Variants in CDH12 observed in about 807,000 individuals in gnomAD.
CDH12 encodes cadherin 12.
Under a neutral mutation model 74.1 loss-of-function variants are expected in CDH12, and 41 were observed. The observed-to-expected ratio is 0.55, with a 90% CI of 0.43 to 0.72. CDH12 has a LOEUF of 0.72. Among genes scored for constraint, CDH12 ranks in the 30% least tolerant of loss-of-function variants. The pLI, the probability that CDH12 is intolerant of heterozygous loss-of-function variation, is 0.00. For synonymous variants in CDH12, 399 were observed against 355.0 expected (o/e 1.12, Z -1.39); for missense variants, 945 against 977.2 (o/e 0.97, Z 0.44).
chr5:22,125,219 C>T lies in CDH12; in HGVS notation c.-186-46357G>A, dbSNP rs184942468. ...CAACCTGTCATCTAGGTTTTAAGAT[C>T]CACATGCATTAGGTATTTGTCCTAA... is the stretch of plus-strand genomic sequence containing the variant. On this transcript the variant is annotated intron_variant, in intron 4 of 14. Coordinates refer to ENST00000382254, the MANE Select transcript of CDH12 (RefSeq NM_004061.5). Among the ~76,000 whole-genome samples the T allele has an allele frequency of 1.9e-3, 286 of 152,040 alleles. 1 individual carries two copies. Among genetic ancestry groups the T allele is most frequent in the African/African-American group, 6.7e-3 (276 of 41,472 alleles).
At chr5:22,015,470 A>G (rs964474140) in intron 5 of CDH12, among the ~76,000 whole-genome samples, 3 of 152,260 alleles carry the variant, frequency 2.0e-5, no homozygotes, top group Admixed American at 2.0e-4. Context: ...CTGAAACTGA[A>G]CACTGATTCT....
In CDH12 at chr5:22,042,120, G is replaced by A. The variant is rs114373118; in HGVS notation, c.231+36326C>T. 3.8e-3 allele frequency among the ~76,000 whole-genome samples: 574 copies of A among 151,628 alleles called. 7 individuals are homozygous for A. Among genetic ancestry groups the A allele is most frequent in the Middle Eastern group, 0.014 (4 of 294 alleles). ...TTCAAGAGACAAATGAAAATGGAAC[G>A]ACAATATACCAAAACTTACAGGAAA... On this transcript the variant is annotated intron_variant, in intron 5 of 14. Transcript: ENST00000382254.
chr5:22,257,325 A>T, intron 3 of CDH12, among the ~76,000 whole-genome samples: 1 of 152,270 alleles, frequency 6.6e-6, no homozygotes, highest in Non-Finnish European at 1.5e-5. Context: ...AACTTAAAAT[A>T]AAAGTTAAAA....
At chr5:22,572,793 CT>C (rs1365689944) in intron 1 of CDH12, among the ~76,000 whole-genome samples, 1 of 152,096 alleles carries the variant, frequency 6.6e-6, no homozygotes, top group Admixed American at 6.5e-5. Flanking sequence ...GTTCTATATT[CT>C]ATTGAGTGTT....
In CDH12 at chr5:22,180,493, TTTTTG is replaced by T. The variant is rs993208149; in HGVS notation, c.-187+32000_-187+32004del. Among the ~76,000 whole-genome samples the T allele has an allele frequency of 1.1e-3, 77 of 71,150 alleles. 1 individual carries two copies. The highest frequency in any genetic ancestry group is 1.8e-3 in the Non-Finnish European group (53 of 28,724). 46.7% of individuals were successfully genotyped at this position (71,150 alleles called of 152,430 possible). A position where few individuals can be genotyped will look rare whatever the true frequency, so the allele number is the denominator to read the frequency against. ...TACAAAAATCACAGTTTTTGATTTTTTTTTGTTTATTTTTTTATTTTTTATTTTTT... is the reference window on the plus strand; with the variant it reads ...TACAAAAATCACAGTTTTTGATTTTTTTTATTTTTTTATTTTTTATTTTTT... On this transcript the variant is annotated intron_variant, in intron 4 of 14. Coordinates refer to ENST00000382254, the MANE Select transcript of CDH12 (RefSeq NM_004061.5).
chr5:22,279,354 T>C (rs552394121), intron 3 of CDH12, among the ~76,000 whole-genome samples: 71 of 152,198 alleles, frequency 4.7e-4, no homozygotes, highest in Non-Finnish European at 7.8e-4. Flanking sequence ...CATAAAAATG[T>C]AGTTAGAAAA....
At chr5:21,968,983 T>C (rs1580044390) in intron 6 of CDH12, among the ~76,000 whole-genome samples, 3 of 143,774 alleles carry the variant, frequency 2.1e-5, no homozygotes, top group African/African-American at 5.2e-5. Flanking sequence ...TGATGGGGGG[T>C]GGAGGGTAGG....
At chr5:22,389,806 C>T (rs1326299480) in intron 3 of CDH12, among the ~76,000 whole-genome samples, 8 of 148,666 alleles carry the variant, frequency 5.4e-5, no homozygotes, top group Admixed American at 4.1e-4. Flanking sequence ...CACCACCACG[C>T]CCGGCTAATT....
At chr5:22,074,859 G>T (rs946322535) in intron 5 of CDH12, among the ~76,000 whole-genome samples, 1 of 152,082 alleles carries the variant, frequency 6.6e-6, no homozygotes, top group Non-Finnish European at 1.5e-5. Context: ...TACACTGTTG[G>T]TGGGACTGTA....
intron 13 of CDH12, among the ~76,000 whole-genome samples, chr5:21,758,656 T>A (rs1744538669): frequency 6.6e-6 from 1 of 152,180 alleles, no homozygotes; most frequent in South Asian, 2.1e-4. Context: ...TAATCCAGTG[T>A]CCTTTATATT....
chr5:22,715,581 G>A (rs1423770955), intron 1 of CDH12, among the ~76,000 whole-genome samples: 1 of 151,926 alleles, frequency 6.6e-6, no homozygotes, highest in African/African-American at 2.4e-5. Flanking sequence ...AAGGCGGGTG[G>A]ATCACAAGGT....
chr5:22,358,653 T>A (rs919400597), intron 3 of CDH12, among the ~76,000 whole-genome samples: 4 of 152,188 alleles, frequency 2.6e-5, no homozygotes, highest in African/African-American at 9.6e-5. Context: ...AGAACGTTAT[T>A]GAATTCATCA....
At chr5:22,388,875 C>T (rs566819423) in intron 3 of CDH12, among the ~76,000 whole-genome samples, 1 of 152,064 alleles carries the variant, frequency 6.6e-6, no homozygotes, top group East Asian at 1.9e-4. Flanking sequence ...TATAGCTGAA[C>T]GTCTTATATT....
intron 11 of CDH12, among the ~76,000 whole-genome samples, chr5:21,773,218 G>A (rs1745413441): frequency 6.6e-6 from 1 of 152,114 alleles, no homozygotes; most frequent in African/African-American, 2.4e-5. Flanking sequence ...AAGTTGTGAT[G>A]GTTAATTTGA....
intron 2 of CDH12, among the ~76,000 whole-genome samples, chr5:22,434,637 G>A (rs1397017747): frequency 1.3e-5 from 2 of 152,022 alleles, no homozygotes; most frequent in Non-Finnish European, 2.9e-5. Context: ...TATTAACCAT[G>A]CACAATCTTG....
intron 1 of CDH12, among the ~76,000 whole-genome samples, chr5:22,801,636 C>CATATATATATATATAT (rs568139109): frequency 2.0e-5 from 1 of 50,882 alleles, no homozygotes; most frequent in Non-Finnish European, 3.8e-5. Flanking sequence ...CTCTGCTTAT[C>CATATATATATATATAT]ATATATATAT....
At chr5:22,078,421 G>A (rs771270306) in intron 5 of CDH12, 25 bp downstream of exon 5, 2 of 1,602,738 alleles carry the variant, frequency 1.2e-6, no homozygotes, top group East Asian at 4.5e-5. Context: ...CTATCAAGCG[G>A]TTGTCAAAAG....
intron 1 of CDH12, among the ~76,000 whole-genome samples, chr5:22,569,136 A>C (rs1739425998): frequency 6.6e-6 from 1 of 152,234 alleles, no homozygotes; most frequent in Non-Finnish European, 1.5e-5. Flanking sequence ...AATTGTAGTC[A>C]ATCCTCTCTG....
At chr5:21,941,950 T>G (rs1755349557) in intron 6 of CDH12, among the ~76,000 whole-genome samples, 1 of 152,130 alleles carries the variant, frequency 6.6e-6, no homozygotes, top group African/African-American at 2.4e-5. Flanking sequence ...TTCTGGAACC[T>G]GTGAAAATGT....
Sources: gnomAD v4.1 joint callset for allele counts (sites outside exome capture counted in the v4.1 genomes callset) on GRCh38, gnomAD v4.1.1 for gene constraint, MANE v1.5 for transcripts, NCBI Gene and HGNC (gene_info 2026-07-23, HGNC 2026-07-21) for gene names.